Variants in TMEM132D observed in about 807,000 individuals in gnomAD.
The protein encoded by TMEM132D is mature OL transmembrane protein.
In TMEM132D, 21 loss-of-function variants were observed where a neutral mutation model predicts 62.3. The ratio of observed to expected loss-of-function variants is 0.34; its 90% confidence interval spans 0.24 to 0.49. The LOEUF (loss-of-function observed/expected upper bound fraction) is 0.49, where lower values mean the gene tolerates loss of function less well. Ranked by LOEUF, TMEM132D falls within the 20% of genes least tolerant of loss-of-function variation. The pLI is 0.99. For missense variants in TMEM132D, 1,346 were observed against 1,402.8 expected (o/e 0.96, Z 0.65); for synonymous variants, 621 against 575.6 (o/e 1.08, Z -1.13).
intron 4 of TMEM132D, among the ~76,000 whole-genome samples, chr12:129,257,275 C>T (rs1268962103): frequency 8.7e-5 from 13 of 149,098 alleles, no homozygotes; most frequent in Admixed American, 6.0e-4. Flanking sequence ...GGCACGATCT[C>T]GGCTCACTGC....
intron 3 of TMEM132D, among the ~76,000 whole-genome samples, chr12:129,360,244 C>T (rs1870203474): frequency 6.6e-6 from 1 of 152,132 alleles, no homozygotes; most frequent in African/African-American, 2.4e-5. Flanking sequence ...CAGAGACATA[C>T]CCCACAACCT....
intron 3 of TMEM132D, among the ~76,000 whole-genome samples, chr12:129,467,936 C>A (rs1232354803): frequency 6.6e-6 from 1 of 152,104 alleles, no homozygotes; most frequent in Non-Finnish European, 1.5e-5. Flanking sequence ...GTAAAATACC[C>A]TGGGTAAATG....
intron 4 of TMEM132D, among the ~76,000 whole-genome samples, chr12:129,321,764 T>C (rs1216882521): frequency 6.6e-6 from 1 of 152,156 alleles, no homozygotes; most frequent in Non-Finnish European, 1.5e-5. Flanking sequence ...TTTCACCGTG[T>C]TAGCCAGGGT....
intron 4 of TMEM132D, among the ~76,000 whole-genome samples, chr12:129,250,960 G>C (rs1454123859): frequency 6.6e-6 from 1 of 152,196 alleles, no homozygotes; most frequent in Non-Finnish European, 1.5e-5. Flanking sequence ...AATTCATTCT[G>C]AAGATGTGCT....
chr12:129,882,038 C>G lies in TMEM132D; in HGVS notation c.79+21223G>C, dbSNP rs554500284. ...ATTTGACAATGTAGATAAAATGAAC[C>G]AATTCATTAAAAAGAAAACACTAAC... is the stretch of plus-strand genomic sequence containing the variant. On this transcript the variant is annotated intron_variant, in intron 1 of 8. Coordinates refer to ENST00000422113, the MANE Select transcript of TMEM132D (RefSeq NM_133448.3). Among the ~76,000 whole-genome samples, 14 of 151,812 alleles carry G rather than the reference C, an allele frequency of 9.2e-5. No homozygotes were observed. In the South Asian group the frequency reaches 2.9e-3, roughly 32 times the overall value.
chr12:129,616,792 C>T (rs186230672), intron 2 of TMEM132D, among the ~76,000 whole-genome samples: 6 of 152,288 alleles, frequency 3.9e-5, no homozygotes, highest in African/African-American at 7.2e-5. Flanking sequence ...TACCCAGTCT[C>T]GGGTACGTCT....
At chr12:129,257,764 G>A (rs1200067936) in intron 4 of TMEM132D, among the ~76,000 whole-genome samples, 1 of 152,146 alleles carries the variant, frequency 6.6e-6, no homozygotes, top group Admixed American at 6.5e-5. Context: ...AATGTAGGAA[G>A]GTGTGAGCTT....
chr12:129,091,764 A>C (rs987830083), intron 5 of TMEM132D, among the ~76,000 whole-genome samples: 2 of 152,204 alleles, frequency 1.3e-5, no homozygotes, highest in African/African-American at 4.8e-5. Context: ...ACACAAGCCT[A>C]GTCCCCCATG....
intron 3 of TMEM132D, among the ~76,000 whole-genome samples, chr12:129,387,601 ACACTAACACTAATGCCAC>A (rs1871147508): frequency 6.6e-6 from 1 of 152,178 alleles, no homozygotes; most frequent in Non-Finnish European, 1.5e-5. Flanking sequence ...TGGCAATATA[ACACTAACACTAATGCCAC>A]CACTAACAAT....
At chr12:129,136,151 T>A (rs932903507) in intron 5 of TMEM132D, among the ~76,000 whole-genome samples, 79 of 152,154 alleles carry the variant, frequency 5.2e-4, no homozygotes, top group African/African-American at 1.8e-3. Context: ...TTTTTATAAT[T>A]TTGAAGTAAT....
At chr12:129,777,190 C>T (rs529515466) in intron 1 of TMEM132D, among the ~76,000 whole-genome samples, 1 of 152,200 alleles carries the variant, frequency 6.6e-6, no homozygotes, top group Admixed American at 6.5e-5. Context: ...GGTGATTCAG[C>T]GGTGGTCTGA....
Position 129,478,359 on chromosome 12 carries a change from C to T in TMEM132D, c.1115+52700G>A, listed in dbSNP as rs76130832. Among the ~76,000 whole-genome samples the T allele has an allele frequency of 4.2e-3, 634 of 152,288 alleles. 2 individuals carry two copies. The highest frequency in any genetic ancestry group is 0.013 in the African/African-American group (534 of 41,550). On this transcript the variant is annotated intron_variant, in intron 3 of 8. Coordinates refer to ENST00000422113, the MANE Select transcript of TMEM132D (RefSeq NM_133448.3). Reference sequence around the variant, plus strand: ...TAATTGTGCTACAACATTAAGATGACTAGGGCATCACTGGGTGATAGGAAT... The same window carrying T: ...TAATTGTGCTACAACATTAAGATGATTAGGGCATCACTGGGTGATAGGAAT...
chr12:129,762,386 GATTT>G (rs1482739190), intron 1 of TMEM132D, among the ~76,000 whole-genome samples: 1 of 152,042 alleles, frequency 6.6e-6, no homozygotes, highest in African/African-American at 2.4e-5. Context: ...TTTCCAAAAA[GATTT>G]GTTTTTTTAA....
chr12:129,302,794 C>A (rs1881754161), intron 4 of TMEM132D, among the ~76,000 whole-genome samples: 1 of 152,206 alleles, frequency 6.6e-6, no homozygotes, highest in Non-Finnish European at 1.5e-5. Flanking sequence ...CACAGCGAAG[C>A]TCGAGCTCAA....
At chr12:129,875,614 C>T (rs993686919) in intron 1 of TMEM132D, among the ~76,000 whole-genome samples, 5 of 152,048 alleles carry the variant, frequency 3.3e-5, no homozygotes, top group South Asian at 2.1e-4. Context: ...GGAAGAGAGG[C>T]GTGGCCTCTG....
intron 5 of TMEM132D, among the ~76,000 whole-genome samples, chr12:129,090,525 A>C (rs550298812): frequency 3.3e-5 from 5 of 152,128 alleles, no homozygotes; most frequent in Non-Finnish European, 7.4e-5. Context: ...AAAATTAGCC[A>C]GGCATGGTGG....
intron 2 of TMEM132D, among the ~76,000 whole-genome samples, chr12:129,691,775 A>T (rs1158912164): frequency 6.6e-6 from 1 of 152,118 alleles, no homozygotes; most frequent in Non-Finnish European, 1.5e-5. Context: ...AATCAAAACA[A>T]AAACAAGCAA....
At chr12:129,613,669 G>A (rs1217315528) in intron 2 of TMEM132D, among the ~76,000 whole-genome samples, 2 of 152,220 alleles carry the variant, frequency 1.3e-5, no homozygotes, top group Non-Finnish European at 2.9e-5. Context: ...CATCAGAACC[G>A]AGAGGACTGT....
intron 3 of TMEM132D, among the ~76,000 whole-genome samples, chr12:129,361,866 A>C (rs1343538861): frequency 6.6e-6 from 1 of 152,252 alleles, no homozygotes; most frequent in Non-Finnish European, 1.5e-5. Flanking sequence ...AAGGATGATG[A>C]CAAATTTGGC....
Sources: gnomAD v4.1 joint callset for allele counts (sites outside exome capture counted in the v4.1 genomes callset) on GRCh38, gnomAD v4.1.1 for gene constraint, MANE v1.5 for transcripts, NCBI Gene and HGNC (gene_info 2026-07-23, HGNC 2026-07-21) for gene names.